Variants in WASF1 observed in about 807,000 individuals in gnomAD.
WASF1 encodes the protein WASP family member 1, also known as actin-binding protein WASF1.
In WASF1, 7 loss-of-function variants were observed where a neutral mutation model predicts 50.5. That is an observed-to-expected ratio of 0.14 (90% CI 0.08 to 0.26). The LOEUF is 0.26. Among genes scored for constraint, WASF1 ranks in the 10% least tolerant of loss-of-function variants. The pLI is 1.00. For missense variants in WASF1, 470 were observed against 694.7 expected (o/e 0.68, Z 3.64); for synonymous variants, 205 against 244.0 (o/e 0.84, Z 1.49).
At chr6:110,112,878 GAC>G in intron 5 of WASF1, among the ~76,000 whole-genome samples, 1 of 136,436 alleles carries the variant, frequency 7.3e-6, no homozygotes, top group Non-Finnish European at 1.5e-5. Flanking sequence ...CCAGCCTAGT[GAC>G]AGAGTGTCTG....
At chr6:110,131,093 G>A (rs1422436308) in intron 3 of WASF1, among the ~76,000 whole-genome samples, 1 of 152,128 alleles carries the variant, frequency 6.6e-6, no homozygotes, top group Non-Finnish European at 1.5e-5. Flanking sequence ...TATAGGTGAT[G>A]GGAATCTCTT....
chr6:110,141,135 T>C (rs763587031), intron 3 of WASF1, among the ~76,000 whole-genome samples: 10 of 152,136 alleles, frequency 6.6e-5, no homozygotes, highest in African/African-American at 9.7e-5. Context: ...AGGGGGACTA[T>C]TGCATTATAA....
In WASF1 at chr6:110,113,382, T is replaced by A; in HGVS notation, c.212A>T (p.Glu71Val). Residue 71 changes from glutamate (E) to valine (V), a missense_variant, in exon 5 of 11, where the codon GAA becomes GTA. Transcript: ENST00000392589. The part of the protein sequence containing the change: ...SFSFRVNSLQ[E>V]RVDRLSVSVT... ...ACTAACAGATAAACGGTCCACACGT[T>A]CTTGCAATGAGTTGACTCTGAAGGA... 6.2e-7 allele frequency: 1 copy of A among 1,607,070 alleles called. No individual in the cohort carries two copies. Among genetic ancestry groups the A allele is most frequent in the South Asian group, 1.1e-5 (1 of 89,688 alleles).
chr6:110,177,820 TGGAAAA>T (rs1315672552), intron 2 of WASF1, among the ~76,000 whole-genome samples: 2 of 151,996 alleles, frequency 1.3e-5, no homozygotes, highest in Non-Finnish European at 2.9e-5. Context: ...CAAGGAAAGA[TGGAAAA>T]GGAAAATTAT....
chr6:110,159,946 T>C (rs556566754), intron 3 of WASF1, among the ~76,000 whole-genome samples: 7 of 151,868 alleles, frequency 4.6e-5, no homozygotes, highest in Non-Finnish European at 1.0e-4. Context: ...GGGAAGCATC[T>C]ATTTCTTTAA....
At chr6:110,116,988 AAACCC>A (rs1352876971) in intron 4 of WASF1, among the ~76,000 whole-genome samples, 1 of 152,150 alleles carries the variant, frequency 6.6e-6, no homozygotes, top group African/African-American at 2.4e-5. Context: ...ATCCACACCA[AAACCC>A]CCTCTGTAGG....
intron 2 of WASF1, among the ~76,000 whole-genome samples, chr6:110,168,789 C>G (rs920556052): frequency 6.6e-6 from 1 of 152,066 alleles, no homozygotes; most frequent in Non-Finnish European, 1.5e-5. Context: ...ATCTCCATCT[C>G]CGAAGTGTCT....
chr6:110,136,899 T>C (rs1458722961), intron 3 of WASF1, among the ~76,000 whole-genome samples: 1 of 152,210 alleles, frequency 6.6e-6, no homozygotes, highest in Non-Finnish European at 1.5e-5. Context: ...TCCCCCAGTC[T>C]CAATGAGATG....
At chr6:110,142,885 A>G (rs1775310984) in intron 3 of WASF1, among the ~76,000 whole-genome samples, 1 of 148,214 alleles carries the variant, frequency 6.7e-6, no homozygotes, top group African/African-American at 2.5e-5. Flanking sequence ...AAAATAACCA[A>G]TTTTTGAATT....
chr6:110,121,755 T>C (rs1440460465), intron 4 of WASF1, among the ~76,000 whole-genome samples: 1 of 152,176 alleles, frequency 6.6e-6, no homozygotes, highest in Admixed American at 6.5e-5. Context: ...TGTGGCACTA[T>C]TTACAATAGT....
intron 9 of WASF1, among the ~76,000 whole-genome samples, chr6:110,102,612 G>A (rs1213103448): frequency 6.6e-6 from 1 of 152,044 alleles, no homozygotes; most frequent in Non-Finnish European, 1.5e-5. Context: ...TATTTATACT[G>A]AAACTATGAA....
intron 3 of WASF1, among the ~76,000 whole-genome samples, chr6:110,127,837 G>A (rs903024565): frequency 1.3e-5 from 2 of 152,024 alleles, no homozygotes; most frequent in Admixed American, 6.6e-5. Context: ...GCCTACTCAA[G>A]GTGAAAATGA....
At chr6:110,129,875 G>A (rs1170920228) in intron 3 of WASF1, among the ~76,000 whole-genome samples, 3 of 152,050 alleles carry the variant, frequency 2.0e-5, no homozygotes, top group Admixed American at 2.0e-4. Context: ...TTTAAAGAGC[G>A]TACGTTAAAA....
At chr6:110,161,137 G>T (rs927875983) in intron 2 of WASF1, among the ~76,000 whole-genome samples, 1 of 151,468 alleles carries the variant, frequency 6.6e-6, no homozygotes, top group Admixed American at 6.6e-5. Flanking sequence ...AAGTTCAGAA[G>T]ATAAAAAAGC....
intron 8 of WASF1, among the ~76,000 whole-genome samples, chr6:110,104,419 A>G (rs1243621509): frequency 6.6e-6 from 1 of 152,186 alleles, no homozygotes; most frequent in East Asian, 1.9e-4. Flanking sequence ...ATAGGTCAAG[A>G]TGTTGCACAC....
chr6:110,109,742 A>G (rs1291519007), intron 5 of WASF1, among the ~76,000 whole-genome samples: 1 of 149,304 alleles, frequency 6.7e-6, no homozygotes, highest in Non-Finnish European at 1.5e-5. Context: ...TTAAATTTTT[A>G]GTAGAGATGA....
chr6:110,178,901 G>A (rs551128625), intron 1 of WASF1, among the ~76,000 whole-genome samples, 159 bp from the exon 2 acceptor site: 2 of 152,362 alleles, frequency 1.3e-5, no homozygotes, highest in East Asian at 1.9e-4. Context: ...GGCACCAGAA[G>A]CGACAGCACC....
intron 4 of WASF1, among the ~76,000 whole-genome samples, chr6:110,126,450 A>C (rs1774421004): frequency 6.6e-6 from 1 of 152,204 alleles, no homozygotes; most frequent in Non-Finnish European, 1.5e-5. Flanking sequence ...GTAACTTTTT[A>C]TGTTGCTCTC....
chr6:110,152,737 A>G (rs1301300856), intron 3 of WASF1, among the ~76,000 whole-genome samples: 3 of 152,178 alleles, frequency 2.0e-5, no homozygotes, highest in African/African-American at 7.2e-5. Flanking sequence ...TAATTACTAG[A>G]GATGTTTTAG....
Sources: allele counts gnomAD v4.1 joint callset (sites outside exome capture counted in the v4.1 genomes callset), GRCh38; gene constraint gnomAD v4.1.1; transcripts MANE v1.5; gene names NCBI Gene and HGNC (gene_info 2026-07-23, HGNC 2026-07-21).